The following RAB4B variants were observed in gnomAD, a reference collection of about 807,000 sequenced individuals.
RAB4B encodes the protein RAB4B, member RAS oncogene family.
A neutral mutation model predicts 28.3 loss-of-function variants in RAB4B; 15 were observed. The ratio of observed to expected loss-of-function variants is 0.53; its 90% confidence interval spans 0.35 to 0.82. The LOEUF (loss-of-function observed/expected upper bound fraction) is 0.82. Among genes scored for constraint, RAB4B ranks in the 40% least tolerant of loss-of-function variants. The pLI, the probability that RAB4B is intolerant of heterozygous loss-of-function variation, is 0.01. For synonymous variants in RAB4B, 108 were observed against 116.3 expected (o/e 0.93, Z 0.46); for missense variants, 244 against 288.5 (o/e 0.85, Z 1.12).
chr19:40,784,885 G>C (rs924803436), intron 5 of RAB4B, among the ~76,000 whole-genome samples: 6 of 150,352 alleles, frequency 4.0e-5, no homozygotes, highest in Admixed American at 1.3e-4. Context: ...CTGTTGCCCA[G>C]GCTGGAGTAT....
At chr19:40,795,096 G>C (rs1242815830) in intron 7 of RAB4B, among the ~76,000 whole-genome samples, 3 of 150,254 alleles carry the variant, frequency 2.0e-5, no homozygotes, top group Non-Finnish European at 4.4e-5. Flanking sequence ...GTGAACGCAG[G>C]AGGCGGAGCT....
intron 3 of RAB4B, 137 bp downstream of exon 3, chr19:40,780,636 G>C (rs1202092755): frequency 2.0e-5 from 14 of 688,022 alleles, no homozygotes; most frequent in Non-Finnish European, 3.5e-5. Context: ...GTAGTTAGCA[G>C]GTATATATAT....
intron 7 of RAB4B, 88 bp downstream of exon 7, chr19:40,787,066 A>G (rs995188757): frequency 8.5e-7 from 1 of 1,170,930 alleles, no homozygotes; most frequent in Non-Finnish European, 1.2e-6. Context: ...ATGTGATGAC[A>G]AGAGAAACAG....
rs1241087753 is a variant in RAB4B at position 40,780,081 on chromosome 19, C to A, written c.79C>A (p.Gln27Lys). The change falls in exon 2 of 8, where the codon CAG (glutamine) becomes AAG (lysine). Residue 27 changes from glutamine to lysine, a missense_variant. By Grantham distance (53) the Gln-to-Lys change is moderately conservative. Transcript: ENST00000357052. Reference sequence around the variant, plus strand: ...AACTGGCAAATCATGTCTCCTTCATCAGTTCATTGAGAATAAGTGTGAGTT... The same window carrying A: ...AACTGGCAAATCATGTCTCCTTCATAAGTTCATTGAGAATAAGTGTGAGTT... Reference protein sequence around the residue: ...AGTGKSCLLHQFIENKFKQDS... With the variant: ...AGTGKSCLLHKFIENKFKQDS... 1 of 1,611,764 alleles carries A rather than the reference C, an allele frequency of 6.2e-7. No individual in the cohort carries two copies. Among genetic ancestry groups the A allele is most frequent in the African/African-American group, 1.3e-5 (1 of 74,832 alleles).
chr19:40,786,393 T>C, intron 5 of RAB4B: 4 of 421,760 alleles, frequency 9.5e-6, no homozygotes, highest in Middle Eastern at 7.6e-4. Flanking sequence ...CACAAGAAGC[T>C]GTGGGAGCCC....
intron 3 of RAB4B, among the ~76,000 whole-genome samples, chr19:40,783,234 C>A (rs1013415915): frequency 3.3e-5 from 5 of 150,366 alleles, no homozygotes. Flanking sequence ...GAGTTGGAGA[C>A]CAGCCTCGGC....
chr19:40,789,710 AGGTT>A (rs1035564594), intron 7 of RAB4B, among the ~76,000 whole-genome samples: 2 of 150,350 alleles, frequency 1.3e-5, no homozygotes, highest in African/African-American at 4.9e-5. Flanking sequence ...CATGTTGGCC[AGGTT>A]GGTCTCGATC....
At chr19:40,788,874 C>G (rs1314555787) in intron 7 of RAB4B, among the ~76,000 whole-genome samples, 1 of 139,106 alleles carries the variant, frequency 7.2e-6, no homozygotes, top group Non-Finnish European at 1.5e-5. Flanking sequence ...ACTGCAACTT[C>G]TGCCTCCTGA....
At chr19:40,793,970 A>C (rs1050323619) in intron 7 of RAB4B, among the ~76,000 whole-genome samples, 30 of 151,898 alleles carry the variant, frequency 2.0e-4, no homozygotes, top group Non-Finnish European at 3.8e-4. Context: ...CAAAACAAAA[A>C]AACTCCTGGC....
At chr19:40,794,947 A>G (rs926082009) in intron 7 of RAB4B, 3 of 145,390 alleles carry the variant, frequency 2.1e-5, no homozygotes, top group African/African-American at 7.9e-5. Context: ...GATGAAGACC[A>G]TCCTGGCTTG....
intron 7 of RAB4B, among the ~76,000 whole-genome samples, chr19:40,794,031 G>A (rs2083185377): frequency 6.6e-6 from 1 of 151,950 alleles, no homozygotes. Flanking sequence ...TTACAGGCAT[G>A]AGCCACCGAG....
intron 7 of RAB4B, among the ~76,000 whole-genome samples, chr19:40,793,460 C>T (rs574676050): frequency 2.7e-5 from 4 of 149,630 alleles, no homozygotes; most frequent in East Asian, 2.1e-4. Context: ...AGGCTGGTCT[C>T]GAACTCCTGA....
chr19:40,779,821 T>C, intron 1 of RAB4B, 198 bp from the exon 2 acceptor site: 4 of 1,316,104 alleles, frequency 3.0e-6, no homozygotes, highest in Non-Finnish European at 4.0e-6. Flanking sequence ...AAAAAAAATA[T>C]ATAGAATGTG....
chr19:40,795,869 G>C (rs1023720577), intron 7 of RAB4B, among the ~76,000 whole-genome samples: 4 of 151,982 alleles, frequency 2.6e-5, no homozygotes, highest in African/African-American at 9.7e-5. Context: ...CACCACACCT[G>C]GCTAATTTTG....
chr19:40,793,036 C>CA (rs2145064283), intron 7 of RAB4B, among the ~76,000 whole-genome samples: 1 of 152,228 alleles, frequency 6.6e-6, no homozygotes, highest in South Asian at 2.1e-4. Context: ...CTCGGTCTCC[C>CA]AAAGTGCTGG....
At chr19:40,783,648 G>A (rs1470768358) in intron 3 of RAB4B, 130 bp from the exon 4 acceptor site, 1 of 808,322 alleles carries the variant, frequency 1.2e-6, no homozygotes, top group Non-Finnish European at 1.8e-6. Context: ...ACCCGACCAA[G>A]GCCAGGTTTT....
At chr19:40,793,575 T>G (rs2083179409) in intron 7 of RAB4B, among the ~76,000 whole-genome samples, 1 of 74,250 alleles carries the variant, frequency 1.3e-5, no homozygotes, top group African/African-American at 3.9e-5. Context: ...CTTTTTTGTT[T>G]TTTTTTTTTT....
intron 7 of RAB4B, among the ~76,000 whole-genome samples, chr19:40,791,609 A>G (rs2083160401): frequency 6.6e-6 from 1 of 151,344 alleles, no homozygotes; most frequent in Non-Finnish European, 1.5e-5. Flanking sequence ...TCCTCCAGGC[A>G]GCACTACTTG....
chr19:40,794,070 T>A (rs1036641949), intron 7 of RAB4B, among the ~76,000 whole-genome samples: 2 of 151,972 alleles, frequency 1.3e-5, no homozygotes, highest in African/African-American at 2.4e-5. Flanking sequence ...TATATCTTTT[T>A]AAATTATTAT....
Sources: allele counts gnomAD v4.1 joint callset (sites outside exome capture counted in the v4.1 genomes callset), GRCh38; gene constraint gnomAD v4.1.1; transcripts MANE v1.5; gene names NCBI Gene and HGNC (gene_info 2026-07-23, HGNC 2026-07-21).